ZNF292: variants seen among roughly 807,000 people sequenced by gnomAD.
ZNF292 encodes the protein zinc finger protein 292.
Under a neutral mutation model 217.9 loss-of-function variants are expected in ZNF292, and 26 were observed. The observed-to-expected ratio is 0.12, with a 90% CI of 0.09 to 0.17. ZNF292 has a LOEUF of 0.17. ZNF292 is among the 10% of genes least tolerant of loss of function. The pLI is 1.00. For missense variants in ZNF292, 2,904 were observed against 3,175.2 expected (o/e 0.91, Z 2.05); for synonymous variants, 1,257 against 1,124.1 (o/e 1.12, Z -2.37).
At chr6:87,166,085 A>G (rs1420561119) in intron 1 of ZNF292, among the ~76,000 whole-genome samples, 7 of 152,184 alleles carry the variant, frequency 4.6e-5, no homozygotes, top group Non-Finnish European at 1.0e-4. Context: ...AGTGAATGCT[A>G]GAAACCCAAC....
At chr6:87,212,730 TGGTTC>T in intron 1 of ZNF292, among the ~76,000 whole-genome samples, 1 of 152,346 alleles carries the variant, frequency 6.6e-6, no homozygotes, top group Middle Eastern at 3.4e-3. Flanking sequence ...TAGTTCATGT[TGGTTC>T]AACCAGGAAC....
chr6:87,234,987 TCAGA>T (rs1773831669), intron 5 of ZNF292, among the ~76,000 whole-genome samples: 2 of 152,294 alleles, frequency 1.3e-5, no homozygotes, highest in Non-Finnish European at 2.9e-5. Context: ...AAGAGTAATG[TCAGA>T]CAGTTTGTAG....
At chr6:87,223,476 C>T (rs1316422063) in intron 4 of ZNF292, 1 of 152,186 alleles carries the variant, frequency 6.6e-6, no homozygotes, top group Admixed American at 6.5e-5. Flanking sequence ...TCTCCCTTTC[C>T]ATGTTATATT....
intron 1 of ZNF292, among the ~76,000 whole-genome samples, chr6:87,190,614 C>T (rs1771796307): frequency 6.6e-6 from 1 of 152,154 alleles, no homozygotes. Context: ...GCTGGGACTA[C>T]AGGTGCGTGC....
intron 4 of ZNF292, among the ~76,000 whole-genome samples, chr6:87,230,682 C>T (rs1485832235): frequency 2.0e-5 from 3 of 150,814 alleles, no homozygotes; most frequent in South Asian, 2.1e-4. Flanking sequence ...TGCAGTGAGC[C>T]GAGATTGCGC....
At chr6:87,180,495 C>T (rs1771440909) in intron 1 of ZNF292, among the ~76,000 whole-genome samples, 1 of 152,196 alleles carries the variant, frequency 6.6e-6, no homozygotes, top group African/African-American at 2.4e-5. Context: ...CTGTAGTTTT[C>T]CCAGCATGAG....
At chr6:87,233,050 T>G (rs1773730251) in intron 4 of ZNF292, among the ~76,000 whole-genome samples, 1 of 152,256 alleles carries the variant, frequency 6.6e-6, no homozygotes, top group Middle Eastern at 3.4e-3. Context: ...CTATTAGCAT[T>G]TAACACAGAA....
intron 4 of ZNF292, among the ~76,000 whole-genome samples, chr6:87,232,430 A>G (rs1773700879): frequency 6.6e-6 from 1 of 152,142 alleles, no homozygotes; most frequent in African/African-American, 2.4e-5. Context: ...AGCATTTTAA[A>G]TGTTATTACT....
chr6:87,206,172 C>A (rs529416367), intron 1 of ZNF292, among the ~76,000 whole-genome samples: 1 of 152,178 alleles, frequency 6.6e-6, no homozygotes, highest in Non-Finnish European at 1.5e-5. Flanking sequence ...CTTAAACTTA[C>A]AGCTGTCCTA....
intron 1 of ZNF292, among the ~76,000 whole-genome samples, chr6:87,212,842 A>G (rs1772562643): frequency 6.6e-6 from 1 of 152,220 alleles, no homozygotes; most frequent in African/African-American, 2.4e-5. Context: ...CCTCTGAATC[A>G]TCTAGCTGGT....
chr6:87,209,102 T>TCCCCCCC (rs1209954907), intron 1 of ZNF292, among the ~76,000 whole-genome samples: 1 of 83,782 alleles, frequency 1.2e-5, no homozygotes. Context: ...AGCCCCACTT[T>TCCCCCCC]CACCCCCCCC....
At chr6:87,243,438 C>T (rs767509102) in intron 5 of ZNF292, 37 bp from the exon 6 acceptor site, 3 of 1,503,638 alleles carry the variant, frequency 2.0e-6, no homozygotes, top group African/African-American at 2.8e-5. Flanking sequence ...TAATATAAAA[C>T]CATTTTGTGG....
chr6:87,170,975 A>T (rs1381403945), intron 1 of ZNF292, among the ~76,000 whole-genome samples: 1 of 152,206 alleles, frequency 6.6e-6, no homozygotes, highest in Non-Finnish European at 1.5e-5. Context: ...CTTTGGAAAC[A>T]CTTTGGATGT....
rs533252727 is a variant in ZNF292, at chr6:87,255,565, A to G, written c.1936A>G (p.Ile646Val). 23 of 1,610,654 alleles carry G rather than the reference A, an allele frequency of 1.4e-5. No homozygotes were observed. The highest frequency in any genetic ancestry group is 1.6e-4 in the Middle Eastern group (1 of 6,062). Residue 646 changes from isoleucine to valine, a missense_variant, in exon 8 of 8, where the codon ATA (isoleucine) becomes GTA (valine). Around this residue, in one of 15 missense-constraint regions of ZNF292, gnomAD observed 216 missense variants for 308.3 expected, o/e 0.70. Coordinates refer to ENST00000369577, the MANE Select transcript of ZNF292 (RefSeq NM_015021.3). The stretch of plus-strand genomic sequence containing the variant: ...GAATAGTCTCTATTCAACAGATTTT[A>G]TAGTGTTTAATGACAATGATGGTTC... ...KKNSLYSTDF[I>V]VFNDNDGSDD...
At chr6:87,228,309 T>A (rs1773466898) in intron 4 of ZNF292, among the ~76,000 whole-genome samples, 1 of 152,214 alleles carries the variant, frequency 6.6e-6, no homozygotes, top group African/African-American at 2.4e-5. Context: ...AGGAGCTCTT[T>A]ATATATTCTT....
At chr6:87,235,425 G>A (rs1189390667) in intron 5 of ZNF292, among the ~76,000 whole-genome samples, 3 of 152,084 alleles carry the variant, frequency 2.0e-5, no homozygotes, top group African/African-American at 7.2e-5. Flanking sequence ...GATTGGGGGA[G>A]GTGGGATTTA....
intron 1 of ZNF292, among the ~76,000 whole-genome samples, chr6:87,184,021 A>G (rs777184824): frequency 1.3e-5 from 2 of 152,234 alleles, no homozygotes; most frequent in African/African-American, 2.4e-5. Flanking sequence ...GGAAATTTCA[A>G]TGTTTTCACA....
intron 1 of ZNF292, among the ~76,000 whole-genome samples, chr6:87,161,156 AG>A (rs1227584329): frequency 4.6e-5 from 7 of 152,174 alleles, no homozygotes; most frequent in Non-Finnish European, 8.8e-5. Flanking sequence ...ATAAACAGTT[AG>A]TAAAACAACT....
At chr6:87,184,946 G>A (rs1252998364) in intron 1 of ZNF292, among the ~76,000 whole-genome samples, 1 of 152,162 alleles carries the variant, frequency 6.6e-6, no homozygotes, top group African/African-American at 2.4e-5. Flanking sequence ...CTTGGCTTCT[G>A]GCCAATTGAT....
Sources: allele counts gnomAD v4.1 joint callset (sites outside exome capture counted in the v4.1 genomes callset), GRCh38; gene constraint gnomAD v4.1.1; regional missense constraint gnomAD v4.1.1; transcripts MANE v1.5; gene names NCBI Gene and HGNC (gene_info 2026-07-23, HGNC 2026-07-21).